Variants in PLD5 observed in about 807,000 individuals in gnomAD.
PLD5 encodes the protein phospholipase D family member 5.
Under a neutral mutation model 61.1 loss-of-function variants are expected in PLD5, and 36 were observed. That is an observed-to-expected ratio of 0.59 (90% CI 0.45 to 0.78). PLD5 has a LOEUF of 0.78. Ranked by LOEUF, PLD5 falls within the 30% of genes least tolerant of loss-of-function variation. The probability of loss-of-function intolerance (pLI) is 0.00; values close to 1 mark genes in which losing one functional copy is unlikely to be tolerated. For missense variants in PLD5, 515 were observed against 644.4 expected, an observed-to-expected ratio of 0.80 and a Z score of 2.17; for synonymous variants, 243 against 242.8, an observed-to-expected ratio of 1.00 and a Z score of -0.01.
intron 6 of PLD5, among the ~76,000 whole-genome samples, chr1:242,116,946 G>A (rs1184334892): frequency 6.6e-6 from 1 of 152,160 alleles, no homozygotes; most frequent in African/African-American, 2.4e-5. Context: ...GAAAGCGTGT[G>A]CCTCTGCAGG....
At chr1:242,410,608 C>T (rs1156644050) in intron 1 of PLD5, among the ~76,000 whole-genome samples, 2 of 151,678 alleles carry the variant, frequency 1.3e-5, no homozygotes, top group Non-Finnish European at 2.9e-5. Context: ...TCTAATAAAT[C>T]CCACTGAACA....
chr1:242,370,818 G>A (rs1441002001), intron 1 of PLD5, among the ~76,000 whole-genome samples: 5 of 152,098 alleles, frequency 3.3e-5, no homozygotes, highest in African/African-American at 9.7e-5. Flanking sequence ...ATGCCAACTG[G>A]TCTTTGATAA....
intron 1 of PLD5, among the ~76,000 whole-genome samples, chr1:242,397,052 C>T (rs1663624386): frequency 6.6e-6 from 1 of 152,094 alleles, no homozygotes; most frequent in Non-Finnish European, 1.5e-5. Context: ...TATATAGCTA[C>T]ATGTTGAGTG....
At chr1:242,494,634 C>G (rs1668302947) in intron 1 of PLD5, among the ~76,000 whole-genome samples, 2 of 152,128 alleles carry the variant, frequency 1.3e-5, no homozygotes, top group Admixed American at 6.6e-5. Context: ...ACCTCAAACC[C>G]CAGCCAAGGT....
At chr1:242,449,268 T>C in intron 1 of PLD5, 1 of 1,505,000 alleles carries the variant, frequency 6.6e-7, no homozygotes, top group East Asian at 2.5e-5. Context: ...AGTCTCATGC[T>C]ACCAACAGCC....
At chr1:242,475,422 C>CAAAAAAAAAAAAAA (rs5782239) in intron 1 of PLD5, among the ~76,000 whole-genome samples, 1 of 91,472 alleles carries the variant, frequency 1.1e-5, no homozygotes. Context: ...GACTCCGTCT[C>CAAAAAAAAAAAAAA]AAAAAAAAAA....
chr1:242,462,611 A>T (rs565327623), intron 1 of PLD5, among the ~76,000 whole-genome samples: 50 of 15,340 alleles, frequency 3.3e-3, no homozygotes, highest in East Asian at 0.021. Flanking sequence ...AAGTTGAAAT[A>T]AAAAAAAAAA....
intron 2 of PLD5, among the ~76,000 whole-genome samples, chr1:242,328,252 A>G (rs1045945876): frequency 4.3e-5 from 6 of 139,940 alleles, no homozygotes; most frequent in African/African-American, 1.9e-4. Flanking sequence ...CAAGATGAAC[A>G]TATATATATA....
At chr1:242,440,820 G>A (rs570969355) in intron 1 of PLD5, among the ~76,000 whole-genome samples, 8 of 152,154 alleles carry the variant, frequency 5.3e-5, no homozygotes, top group Non-Finnish European at 1.0e-4. Context: ...CCCTCACTCC[G>A]CCTCCTCCTA....
intron 1 of PLD5, among the ~76,000 whole-genome samples, chr1:242,479,942 T>C (rs1199145548): frequency 6.6e-6 from 1 of 151,706 alleles, no homozygotes; most frequent in African/African-American, 2.4e-5. Context: ...TCCCAGCTAC[T>C]TGGGAGGCTG....
intron 1 of PLD5, 75 bp downstream of exon 1, chr1:242,524,013 G>T: frequency 7.0e-7 from 1 of 1,428,012 alleles, no homozygotes; most frequent in Non-Finnish European, 9.2e-7. Flanking sequence ...CCCCGCGCGC[G>T]CTCATGCCAC....
rs1166440005 is a variant in PLD5, at chr1:242,085,246, T to C, written c.*4608A>G. ...GTCTATTAAATGTAACTTTTTTTTT[T>C]CAAATTGCCAAAAGAAGCGTTAATG... On this transcript the variant is annotated 3_prime_UTR_variant, in exon 10 of 10. Coordinates refer to ENST00000536534, the MANE Select transcript of PLD5 (RefSeq NM_001372062.1). The C allele has an allele frequency of 6.6e-6, 1 of 152,162 alleles. No individual in the cohort carries two copies. Among genetic ancestry groups the C allele is most frequent in the Non-Finnish European group, 1.5e-5 (1 of 68,018 alleles). 9.4% of individuals were successfully genotyped at this position (152,162 alleles called of 1,614,324 possible). A position where few individuals can be genotyped will look rare whatever the true frequency, so the allele number is the denominator to read the frequency against.
At chr1:242,290,620 G>A (rs1345755456) in intron 2 of PLD5, among the ~76,000 whole-genome samples, 4 of 152,020 alleles carry the variant, frequency 2.6e-5, no homozygotes, top group Admixed American at 2.6e-4. Flanking sequence ...TAGAAGATAA[G>A]TCAGTAGAGA....
At chr1:242,302,011 C>T (rs973958291) in intron 2 of PLD5, among the ~76,000 whole-genome samples, 9 of 152,174 alleles carry the variant, frequency 5.9e-5, no homozygotes, top group Admixed American at 5.9e-4. Flanking sequence ...AAACTCTTGA[C>T]CTCAGGTGAT....
chr1:242,258,696 G>C (rs1673217667), intron 4 of PLD5, among the ~76,000 whole-genome samples: 3 of 152,146 alleles, frequency 2.0e-5, no homozygotes, highest in Admixed American at 6.5e-5. Context: ...GTTATTGTCT[G>C]AATATCTTGC....
intron 5 of PLD5, among the ~76,000 whole-genome samples, chr1:242,202,259 GGT>G (rs1433602753): frequency 6.6e-6 from 1 of 151,164 alleles, no homozygotes; most frequent in Non-Finnish European, 1.5e-5. Flanking sequence ...CAAAAAATAT[GGT>G]GTGTGGCCAG....
chr1:242,178,772 A>G (rs567612417), intron 5 of PLD5, among the ~76,000 whole-genome samples: 2 of 152,352 alleles, frequency 1.3e-5, no homozygotes, highest in East Asian at 1.9e-4. Flanking sequence ...ATTTCACCCT[A>G]TCAAGAAGCC....
At chr1:242,133,124 G>A (rs57775915) in intron 5 of PLD5, among the ~76,000 whole-genome samples, 12,174 of 149,996 alleles carry the variant, frequency 0.081, 585 homozygotes, top group African/African-American at 0.13. Context: ...AACCAATCAC[G>A]CTGGTCAGGG....
chr1:242,360,643 T>C (rs1164444222), intron 1 of PLD5, among the ~76,000 whole-genome samples: 1 of 152,182 alleles, frequency 6.6e-6, no homozygotes, highest in Admixed American at 6.5e-5. Flanking sequence ...AGGTTTATAT[T>C]CTGCTTTTTG....
Sources: gnomAD v4.1 joint callset for allele counts (sites outside exome capture counted in the v4.1 genomes callset) on GRCh38, gnomAD v4.1.1 for gene constraint, MANE v1.5 for transcripts, NCBI Gene and HGNC (gene_info 2026-07-23, HGNC 2026-07-21) for gene names.